Variants in ZNF608 observed in about 807,000 individuals in gnomAD.
The protein encoded by ZNF608 is renal carcinoma antigen NY-REN-36.
Under a neutral mutation model 109.0 loss-of-function variants are expected in ZNF608, and 12 were observed. That is an observed-to-expected ratio of 0.11 (90% CI 0.07 to 0.18). The LOEUF (loss-of-function observed/expected upper bound fraction) is 0.18. Ranked by LOEUF, ZNF608 falls within the 10% of genes least tolerant of loss-of-function variation. ZNF608 has a pLI of 1.00. For synonymous variants in ZNF608, 732 were observed against 717.4 expected, an observed-to-expected ratio of 1.02 and a Z score of -0.33; for missense variants, 1,707 against 1,879.3, an observed-to-expected ratio of 0.91 and a Z score of 1.70.
chr5:124,685,390 C>T (rs1396886874), intron 3 of ZNF608, among the ~76,000 whole-genome samples: 1 of 152,096 alleles, frequency 6.6e-6, no homozygotes, highest in Non-Finnish European at 1.5e-5. Context: ...ATTCACAGAG[C>T]GAAAGAACAA....
intron 3 of ZNF608, among the ~76,000 whole-genome samples, chr5:124,651,700 G>A (rs1246568588): frequency 2.6e-5 from 4 of 152,274 alleles, no homozygotes; most frequent in Non-Finnish European, 5.9e-5. Context: ...TTTCCCCTAA[G>A]GGTTTCGCGT....
At chr5:124,690,938 C>CAT (rs1367162944) in intron 3 of ZNF608, among the ~76,000 whole-genome samples, 1 of 103,084 alleles carries the variant, frequency 9.7e-6, no homozygotes, top group Non-Finnish European at 2.1e-5. Context: ...CACACACACA[C>CAT]ACACACACAC....
At chr5:124,743,730 C>CA (rs1295877272) in intron 2 of ZNF608, among the ~76,000 whole-genome samples, 1 of 152,128 alleles carries the variant, frequency 6.6e-6, no homozygotes, top group East Asian at 1.9e-4. Flanking sequence ...CAAGAGGGTG[C>CA]ATGAGCAGGT....
intron 2 of ZNF608, among the ~76,000 whole-genome samples, chr5:124,742,198 A>G (rs558558239): frequency 6.6e-6 from 1 of 152,224 alleles, no homozygotes; most frequent in Non-Finnish European, 1.5e-5. Flanking sequence ...AAAAGAACAC[A>G]CAAAAACTGG....
chr5:124,712,947 T>G (rs1344998587), intron 2 of ZNF608, among the ~76,000 whole-genome samples: 1 of 152,216 alleles, frequency 6.6e-6, no homozygotes, highest in Non-Finnish European at 1.5e-5. Flanking sequence ...GCCATGTCCC[T>G]TAATCTTTGT....
chr5:124,648,843 G>C lies in ZNF608; in HGVS notation c.1541C>G (p.Ser514Cys), dbSNP rs1257415372. The stretch of plus-strand genomic sequence containing the variant: ...ACGCTTTCCAGGCTTATTGTCCTCA[G>C]AGCTGGAGTTCAGGTCCAGCTCCAT... ...PPMELDLNSS[S>C]EDNKPGKRVR... Residue 514 changes from serine (S) to cysteine (C), a missense_variant, in exon 5 of 10, where the codon TCT becomes TGT. Ser to Cys is a moderately radical substitution (Grantham distance 112, BLOSUM62 -1). Around this residue, in one of 7 missense-constraint regions of ZNF608, gnomAD observed 166 missense variants for 204.2 expected, o/e 0.81. Transcript: ENST00000513986. The C allele has an allele frequency of 1.2e-6, 2 of 1,614,006 alleles. No individual in the cohort carries two copies. Among genetic ancestry groups the C allele is most frequent in the Non-Finnish European group, 1.7e-6 (2 of 1,179,998 alleles).
In ZNF608 at chr5:124,744,762, G is replaced by T; in HGVS notation, c.228C>A (p.Thr76=). The stretch of plus-strand genomic sequence containing the variant: ...ATTTTAGGCCATCAGCTAAGGCTGC[G>T]GTAGCACCAGCCCCACTGGAGGCCG... ...GGPASSGAGA[T]AALADGLKFA... The change falls in exon 2 of 10, where the codon ACC becomes ACA. Residue 76 remains threonine, a synonymous_variant. Coordinates refer to ENST00000513986, the MANE Select transcript of ZNF608 (RefSeq NM_020747.3). The surrounding 1 kb of genome is among the most constrained non-coding windows in gnomAD (Gnocchi z 4.5). 1 of 1,614,212 alleles carries T rather than the reference G, an allele frequency of 6.2e-7. No homozygotes were observed. Among genetic ancestry groups the T allele is most frequent in the Non-Finnish European group, 8.5e-7 (1 of 1,180,042 alleles).
chr5:124,742,262 C>T (rs537419284), intron 2 of ZNF608, among the ~76,000 whole-genome samples: 2 of 152,326 alleles, frequency 1.3e-5, no homozygotes, highest in South Asian at 2.1e-4. Context: ...CTTTTAGATA[C>T]TGAAATGTTC....
rs1266043266 is a variant in ZNF608, at chr5:124,656,482, T to C, written c.1163-6785A>G. On this transcript the variant is annotated intron_variant, in intron 3 of 9. Transcript: ENST00000513986. ...GGGTTTGGTGTTATTTTCAGGGCAT[T>C]AGGAACAGGGTTTGTTTATGGGAGG... 4.6e-5 allele frequency among the ~76,000 whole-genome samples: 7 copies of C among 152,212 alleles called. No homozygotes were observed. In the East Asian group the frequency reaches 1.4e-3, roughly 29 times the overall value.
rs1006771321 is a variant in ZNF608, at chr5:124,639,956, T to C, written c.4451-742A>G. ...CTTAAAAGAGACAATTGTTTTCTTCTCATATATACTTTATTTATATATAGA... is the reference window on the plus strand; with the variant it reads ...CTTAAAAGAGACAATTGTTTTCTTCCCATATATACTTTATTTATATATAGA... On this transcript the variant is annotated intron_variant, in intron 8 of 9. Transcript: ENST00000513986. Among the ~76,000 whole-genome samples, 5 of 152,340 alleles carry C rather than the reference T, an allele frequency of 3.3e-5. No homozygotes were observed. In the East Asian group the frequency reaches 5.8e-4, roughly 18 times the overall value.
intron 2 of ZNF608, among the ~76,000 whole-genome samples, chr5:124,715,088 CA>C (rs1753639499): frequency 6.6e-6 from 1 of 152,042 alleles, no homozygotes; most frequent in Admixed American, 6.5e-5. Flanking sequence ...CTTCAAGAAT[CA>C]AATGAAATGG....
intron 3 of ZNF608, among the ~76,000 whole-genome samples, chr5:124,690,753 A>G (rs2149836706): frequency 6.6e-6 from 1 of 152,328 alleles, no homozygotes; most frequent in Non-Finnish European, 1.5e-5. Flanking sequence ...CAAAGGCAAC[A>G]AAAGCAAAAA....
At chr5:124,728,807 A>G (rs984679432) in intron 2 of ZNF608, among the ~76,000 whole-genome samples, 3 of 152,210 alleles carry the variant, frequency 2.0e-5, no homozygotes, top group Non-Finnish European at 2.9e-5. Flanking sequence ...CTCTAGTACC[A>G]TAAACCCCAC....
At chr5:124,723,089 G>A (rs1415522964) in intron 2 of ZNF608, among the ~76,000 whole-genome samples, 2 of 150,262 alleles carry the variant, frequency 1.3e-5, no homozygotes, top group Non-Finnish European at 3.0e-5. Context: ...GGAGTGCAGT[G>A]GCACGATCTT....
intron 3 of ZNF608, among the ~76,000 whole-genome samples, chr5:124,675,900 T>C (rs946537213): frequency 2.0e-4 from 31 of 151,960 alleles, no homozygotes; most frequent in Admixed American, 9.2e-4. Flanking sequence ...AAGGCAAAGG[T>C]TTAGGAAGTA....
chr5:124,709,446 A>G (rs184154028), intron 2 of ZNF608, among the ~76,000 whole-genome samples: 1 of 152,222 alleles, frequency 6.6e-6, no homozygotes, highest in African/African-American at 2.4e-5. Context: ...TACTCTACTC[A>G]ATGTCTTAAA....
At chr5:124,661,362 G>A (rs1751248651) in intron 3 of ZNF608, among the ~76,000 whole-genome samples, 1 of 151,960 alleles carries the variant, frequency 6.6e-6, no homozygotes, top group South Asian at 2.1e-4. Flanking sequence ...GACAGAGCAG[G>A]TTAAACATGA....
At chr5:124,681,813 T>C (rs544259300) in intron 3 of ZNF608, among the ~76,000 whole-genome samples, 9 of 152,236 alleles carry the variant, frequency 5.9e-5, no homozygotes, top group Admixed American at 2.6e-4. Context: ...AAAGAAAAGA[T>C]GAAAGTTTCT....
intron 3 of ZNF608, among the ~76,000 whole-genome samples, chr5:124,650,229 G>C (rs1750718404): frequency 6.6e-6 from 1 of 152,198 alleles, no homozygotes; most frequent in Admixed American, 6.5e-5. Flanking sequence ...GGGGACTCAA[G>C]AGTCCAGATA....
Sources: gnomAD v4.1 joint callset for allele counts (sites outside exome capture counted in the v4.1 genomes callset) on GRCh38, gnomAD v4.1.1 for gene constraint, gnomAD v4.1.1 regional missense constraint, Gnocchi (gnomAD v3.1) non-coding constraint, MANE v1.5 for transcripts, NCBI Gene and HGNC (gene_info 2026-07-23, HGNC 2026-07-21) for gene names.